The following TMEM229B variants were observed in gnomAD, a reference collection of about 807,000 sequenced individuals.
TMEM229B encodes transmembrane protein 229B.
TMEM229B carries 6 observed loss-of-function variants against 13.7 expected under a neutral mutation model. The observed-to-expected ratio is 0.44, with a 90% CI of 0.24 to 0.86. The LOEUF is 0.86. Among genes scored for constraint, TMEM229B ranks in the 40% least tolerant of loss-of-function variants. TMEM229B has a pLI of 0.23. For missense variants in TMEM229B, 170 were observed against 236.0 expected (o/e 0.72, Z 1.83); for synonymous variants, 107 against 102.1 (o/e 1.05, Z -0.29).
intron 2 of TMEM229B, among the ~76,000 whole-genome samples, chr14:67,476,124 A>G (rs1343907193): frequency 6.6e-6 from 1 of 152,220 alleles, no homozygotes; most frequent in Admixed American, 6.5e-5. Flanking sequence ...AAGGTGGGAG[A>G]AAAGACAGAG....
intron 1 of TMEM229B, among the ~76,000 whole-genome samples, chr14:67,531,589 G>A (rs540053496): frequency 1.3e-5 from 2 of 151,790 alleles, no homozygotes; most frequent in Non-Finnish European, 2.9e-5. Flanking sequence ...TCCATGGTGC[G>A]TCTCTTTTCA....
chr14:67,514,520 C>T (rs991191730), intron 1 of TMEM229B, among the ~76,000 whole-genome samples: 2 of 152,118 alleles, frequency 1.3e-5, no homozygotes, highest in African/African-American at 4.8e-5. Flanking sequence ...TGGGGTCCAT[C>T]ACCCAGTTTT....
upstream of TMEM229B, among the ~76,000 whole-genome samples, chr14:67,517,150 G>A (rs1489298429): frequency 2.0e-5 from 3 of 152,192 alleles, no homozygotes; most frequent in Non-Finnish European, 4.4e-5. Flanking sequence ...TCAGGGACAC[G>A]CTGGCAAGAA....
chr14:67,495,328 C>T lies in TMEM229B; in HGVS notation c.-191-8156G>A, dbSNP rs189338811. ...ACCTCCTCCTCCCAGGATCAACAAC[C>T]TTGCAGAAGGCATCCATCCTAATGC... On this transcript the variant is annotated intron_variant, in intron 1 of 2. Coordinates refer to the TMEM229B transcript ENST00000357461. Among the ~76,000 whole-genome samples, 3 of 152,310 alleles carry T rather than the reference C, an allele frequency of 2.0e-5. No homozygotes were observed. The East Asian group carries it at 5.8e-4, about 29-fold the overall frequency.
In TMEM229B at chr14:67,512,187, A is replaced by G. The variant is rs150185699; in HGVS notation, c.-192+2899T>C. Among the ~76,000 whole-genome samples the G allele has an allele frequency of 2.0e-3, 308 of 152,346 alleles. 2 individuals carry two copies. The highest frequency in any genetic ancestry group is 7.0e-3 in the African/African-American group (293 of 41,590). ...CAACACATGCATTCTCACACACCAC[A>G]GCCAGTGTGACAACTCTCAGTGGGA... On this transcript the variant is annotated intron_variant, in intron 1 of 2. Coordinates refer to the TMEM229B transcript ENST00000357461.
intron 1 of TMEM229B, among the ~76,000 whole-genome samples, chr14:67,508,940 G>C (rs1490931896): frequency 6.6e-6 from 1 of 151,854 alleles, no homozygotes. Flanking sequence ...GTCATAATCA[G>C]GTCTCCACAG....
intron 1 of TMEM229B, among the ~76,000 whole-genome samples, chr14:67,500,472 T>A (rs761891855): frequency 2.0e-5 from 3 of 151,958 alleles, no homozygotes; most frequent in Non-Finnish European, 4.4e-5. Flanking sequence ...TGACACTCCA[T>A]CTCAAACAAA....
chr14:67,486,620 C>G (rs2031897846), intron 2 of TMEM229B, among the ~76,000 whole-genome samples: 1 of 152,176 alleles, frequency 6.6e-6, no homozygotes, highest in Admixed American at 6.5e-5. Context: ...AGCTCTCTTT[C>G]TGCTTGCTAC....
Position 67,473,095 on chromosome 14 carries a change from C to T in TMEM229B, c.*325G>A, listed in dbSNP as rs2030873696. On this transcript the variant is annotated 3_prime_UTR_variant, in exon 3 of 3. Coordinates refer to ENST00000554480, the MANE Select transcript of TMEM229B (RefSeq NM_001348543.2). This position sits in a 1 kb window ranked among gnomAD's most constrained non-coding sequence, Gnocchi z 6.5. Reference sequence around the variant, plus strand: ...GGCCCCATTCTCATTGTCCCTTGGCCAGGACAGGGCCTGCTGCTTCCAAAG... The same window carrying T: ...GGCCCCATTCTCATTGTCCCTTGGCTAGGACAGGGCCTGCTGCTTCCAAAG... 1 of 323,246 alleles carries T rather than the reference C, an allele frequency of 3.1e-6. No homozygotes were observed. The allele number at this position is 323,246 out of a possible 1,614,324, so 20.0% of individuals were successfully genotyped here. A position where few individuals can be genotyped will look rare whatever the true frequency, so the allele number is the denominator to read the frequency against.
upstream of TMEM229B, among the ~76,000 whole-genome samples, chr14:67,490,378 G>A (rs768511150): frequency 2.6e-5 from 4 of 152,206 alleles, no homozygotes; most frequent in South Asian, 2.1e-4. Context: ...CCAACATCAC[G>A]CAAGGAAGAC....
chr14:67,497,469 A>C (rs1261323276), intron 1 of TMEM229B, among the ~76,000 whole-genome samples: 1 of 152,120 alleles, frequency 6.6e-6, no homozygotes, highest in Admixed American at 6.5e-5. Context: ...TAGGTGGGGA[A>C]TGCCACAGAT....
At position 67,473,637 on chromosome 14, in the gene TMEM229B, C is replaced by T. The variant is rs143699465; in HGVS notation, c.287G>A (p.Arg96His). 1 of 1,583,866 alleles carries T rather than the reference C, an allele frequency of 6.3e-7. No individual in the cohort carries two copies. The highest frequency in any genetic ancestry group is 8.6e-7 in the Non-Finnish European group (1 of 1,165,146). ...GTCCCAGGGGCAGGCGTTGAACTGGCGCAGGATGAAGCCGGTGGTGAACTC... is the reference window on the plus strand; with the variant it reads ...GTCCCAGGGGCAGGCGTTGAACTGGTGCAGGATGAAGCCGGTGGTGAACTC... Reference protein sequence around the residue: ...LWEFTTGFILRQFNACPWDYS... With the variant: ...LWEFTTGFILHQFNACPWDYS... Residue 96 changes from arginine (R) to histidine (H), a missense_variant, in exon 3 of 3, where the codon CGC becomes CAC. Arg to His is a conservative substitution (Grantham distance 29). This residue lies in a region of TMEM229B where 57 missense variants were observed against 66.7 expected (regional missense o/e 0.85). Coordinates refer to ENST00000554480, the MANE Select transcript of TMEM229B (RefSeq NM_001348543.2). The surrounding 1 kb of genome is among the most constrained non-coding windows in gnomAD (Gnocchi z 6.5).
intron 1 of TMEM229B, among the ~76,000 whole-genome samples, chr14:67,528,044 T>C (rs2033394173): frequency 6.6e-6 from 1 of 152,134 alleles, no homozygotes; most frequent in African/African-American, 2.4e-5. Flanking sequence ...ATGATGAATG[T>C]ATGAACACAG....
intron 1 of TMEM229B, 68 bp from the exon 2 acceptor site, chr14:67,487,240 A>G (rs1452868214): frequency 6.6e-6 from 1 of 152,164 alleles, no homozygotes; most frequent in Non-Finnish European, 1.5e-5. Context: ...AAACATTGCA[A>G]GGGCCTGGGC....
chr14:67,505,460 C>T lies in TMEM229B; in HGVS notation c.-192+9626G>A, dbSNP rs960566221. Among the ~76,000 whole-genome samples, 10 of 152,176 alleles carry T rather than the reference C, an allele frequency of 6.6e-5. No homozygotes were observed. The South Asian group carries it at 1.9e-3, about 28-fold the overall frequency. On this transcript the variant is annotated intron_variant, in intron 1 of 2. Transcript: ENST00000357461. ...CGTTGGCCATCTGCTGTTGGAGGAG[C>T]CAAGGGAGACTGCTGAGCTGGGGTC...
At chr14:67,483,765 GC>G (rs2031724560) in intron 2 of TMEM229B, among the ~76,000 whole-genome samples, 1 of 152,234 alleles carries the variant, frequency 6.6e-6, no homozygotes. Context: ...GTCTCAGATG[GC>G]CCGGCCCAGC....
At chr14:67,504,711 C>A (rs1279167168) in intron 1 of TMEM229B, among the ~76,000 whole-genome samples, 1 of 152,102 alleles carries the variant, frequency 6.6e-6, no homozygotes, top group Non-Finnish European at 1.5e-5. Context: ...TTGGTGAAAC[C>A]CTGTCTCTAC....
At position 67,473,993 on chromosome 14, in the gene TMEM229B, C is replaced by T; in HGVS notation, c.-18-52G>A. On this transcript the variant is annotated intron_variant, in intron 2 of 2. Coordinates refer to ENST00000554480, the MANE Select transcript of TMEM229B (RefSeq NM_001348543.2). This position sits in a 1 kb window ranked among gnomAD's most constrained non-coding sequence, Gnocchi z 6.5. The stretch of plus-strand genomic sequence containing the variant: ...GAGGGCCGGGCGCGGTGGCTCACGC[C>T]TATAATCCCTGCGCTTTGGGAGGCC... 2 of 1,484,342 alleles carry T rather than the reference C, an allele frequency of 1.3e-6. No homozygotes were observed. The highest frequency in any genetic ancestry group is 1.8e-6 in the Non-Finnish European group (2 of 1,117,818). The allele number at this position is 1,484,342 out of a possible 1,614,324, so 91.9% of individuals were successfully genotyped here. A position where few individuals can be genotyped will look rare whatever the true frequency, so the allele number is the denominator to read the frequency against.
intron 2 of TMEM229B, among the ~76,000 whole-genome samples, chr14:67,477,577 C>T (rs1594678246): frequency 6.6e-6 from 1 of 152,152 alleles, no homozygotes; most frequent in African/African-American, 2.4e-5. Flanking sequence ...AGCTCCTGCC[C>T]TTCCCTAGAC....
Sources: gnomAD v4.1 joint callset for allele counts (sites outside exome capture counted in the v4.1 genomes callset) on GRCh38, gnomAD v4.1.1 for gene constraint, gnomAD v4.1.1 regional missense constraint, Gnocchi (gnomAD v3.1) non-coding constraint, MANE v1.5 for transcripts, NCBI Gene and HGNC (gene_info 2026-07-23, HGNC 2026-07-21) for gene names.